SYBU: variants seen among roughly 807,000 people sequenced by gnomAD.
SYBU encodes syntabulin.
A neutral mutation model predicts 35.9 loss-of-function variants in SYBU; 21 were observed. The ratio of observed to expected loss-of-function variants is 0.58; its 90% CI spans 0.41 to 0.84. SYBU has a LOEUF of 0.84. SYBU is among the 40% of genes least tolerant of loss of function. The pLI is 0.00. For missense variants in SYBU, 768 were observed against 848.2 expected (o/e 0.91, Z 1.17); for synonymous variants, 319 against 324.3 (o/e 0.98, Z 0.18).
At chr8:109,606,752 A>C (rs1826106479) in intron 3 of SYBU, among the ~76,000 whole-genome samples, 1 of 152,210 alleles carries the variant, frequency 6.6e-6, no homozygotes, top group Non-Finnish European at 1.5e-5. Context: ...TGGTACATTC[A>C]CATTCTCAAA....
Position 109,613,728 on chromosome 8 carries a change from C to T in SYBU, c.427+5114G>A, listed in dbSNP as rs1424280393. Among the ~76,000 whole-genome samples, 4 of 152,314 alleles carry T rather than the reference C, an allele frequency of 2.6e-5. 1 individual carries two copies. Among genetic ancestry groups the T allele is most frequent in the Admixed American group, 2.6e-4 (4 of 15,298 alleles). ...AACTAACTTTGAAGTGAAAGTGATG[C>T]TCATGGTAAGAACAGAAACATCTGT... On this transcript the variant is annotated intron_variant, in intron 3 of 6. Coordinates refer to ENST00000276646, the MANE Select transcript of SYBU (RefSeq NM_001099754.2).
intron 1 of SYBU, among the ~76,000 whole-genome samples, chr8:109,661,339 A>T (rs1032953396): frequency 1.3e-5 from 2 of 152,168 alleles, no homozygotes; most frequent in African/African-American, 4.8e-5. Flanking sequence ...CTTTGTAAAT[A>T]AAAAAATTAT....
chr8:109,629,602 C>T (rs1813367404), intron 2 of SYBU, among the ~76,000 whole-genome samples: 1 of 152,164 alleles, frequency 6.6e-6, no homozygotes, highest in Admixed American at 6.5e-5. Flanking sequence ...CCGCAATAAA[C>T]ATACGTGTGC....
At chr8:109,650,948 G>A (rs894350428) in intron 1 of SYBU, among the ~76,000 whole-genome samples, 2 of 152,022 alleles carry the variant, frequency 1.3e-5, no homozygotes, top group Non-Finnish European at 2.9e-5. Flanking sequence ...TTACTTTCAG[G>A]CTTATCTACT....
intron 3 of SYBU, among the ~76,000 whole-genome samples, chr8:109,597,643 G>A (rs1276699082): frequency 6.6e-6 from 1 of 152,116 alleles, no homozygotes; most frequent in Non-Finnish European, 1.5e-5. Context: ...GAGCCCCGGA[G>A]GTTGAGGCTG....
intron 2 of SYBU, among the ~76,000 whole-genome samples, chr8:109,629,115 G>A (rs1813304608): frequency 6.6e-6 from 1 of 152,200 alleles, no homozygotes; most frequent in African/African-American, 2.4e-5. Context: ...AGAGAATGAT[G>A]ATGAGGGCAA....
At chr8:109,637,156 T>C (rs1297921424) in intron 2 of SYBU, among the ~76,000 whole-genome samples, 3 of 152,224 alleles carry the variant, frequency 2.0e-5, no homozygotes, top group African/African-American at 7.2e-5. Flanking sequence ...TCCTGAGCCC[T>C]TTCATTTCAA....
intron 1 of SYBU, among the ~76,000 whole-genome samples, chr8:109,675,443 T>C (rs1021592728): frequency 6.6e-6 from 1 of 151,964 alleles, no homozygotes; most frequent in East Asian, 1.9e-4. Context: ...CAATAAAAAA[T>C]GATAAAGGGG....
At chr8:109,686,381 C>T (rs1817519827) in intron 1 of SYBU, among the ~76,000 whole-genome samples, 2 of 152,178 alleles carry the variant, frequency 1.3e-5, no homozygotes. Context: ...TTTACGCTTT[C>T]AAACCCCTTC....
chr8:109,676,740 G>A (rs1224849708), intron 1 of SYBU, among the ~76,000 whole-genome samples: 2 of 152,140 alleles, frequency 1.3e-5, no homozygotes, highest in Non-Finnish European at 2.9e-5. Context: ...GAAATTTCTG[G>A]ATTGAGATTC....
At chr8:109,593,209 C>T (rs78541970) in intron 3 of SYBU, among the ~76,000 whole-genome samples, 246 of 152,220 alleles carry the variant, frequency 1.6e-3, no homozygotes, top group Non-Finnish European at 2.6e-3. Context: ...AGGAAGAGAG[C>T]TCCAAAGGTA....
rs1822190005 is a variant in SYBU at position 109,575,676 on chromosome 8, C to G, written c.1222G>C (p.Asp408His). Residue 408 changes from aspartate to histidine, a missense_variant, in exon 7 of 7, where the codon GAC (aspartate) becomes CAC (histidine). By Grantham distance (81) the Asp-to-His change is moderately conservative (BLOSUM62 -1). Transcript: ENST00000276646. The stretch of plus-strand genomic sequence containing the variant: ...AGAGATAACCCATCTGCCATTGTGT[C>G]AAGAGGGGGGTTGAGGGTTAAGCTC... ...EKSLTLNPPL[D>H]TMADGLSLEE... The G allele has an allele frequency of 1.9e-6, 3 of 1,614,052 alleles. No homozygotes were observed. The East Asian group carries it at 6.7e-5, about 36-fold the overall frequency.
At chr8:109,578,077 G>C in intron 5 of SYBU, 60 bp from the exon 6 acceptor site, 2 of 1,530,224 alleles carry the variant, frequency 1.3e-6, no homozygotes, top group East Asian at 4.5e-5. Flanking sequence ...ATAAAAAGAA[G>C]AGTAACACAG....
chr8:109,678,471 T>C (rs1052895459), intron 1 of SYBU, among the ~76,000 whole-genome samples: 5 of 139,948 alleles, frequency 3.6e-5, no homozygotes, highest in African/African-American at 8.0e-5. Context: ...GACAGAGTCT[T>C]GCTCTGTAGC....
At chr8:109,690,347 G>A (rs1450417590) in intron 1 of SYBU, among the ~76,000 whole-genome samples, 1 of 152,234 alleles carries the variant, frequency 6.6e-6, no homozygotes, top group African/African-American at 2.4e-5. Context: ...CTATGGGGAG[G>A]AAAAGGCAAA....
chr8:109,625,979 T>C (rs933096277), intron 2 of SYBU, among the ~76,000 whole-genome samples: 1 of 152,236 alleles, frequency 6.6e-6, no homozygotes, highest in Non-Finnish European at 1.5e-5. Context: ...TTGGTTTACA[T>C]TTCTTAAAGT....
chr8:109,619,017 G>A lies in SYBU; in HGVS notation c.252C>T (p.Ser84=). Residue 84 remains serine (S), a synonymous_variant, in exon 3 of 7, where the codon AGC becomes AGT. Coordinates refer to ENST00000276646, the MANE Select transcript of SYBU (RefSeq NM_001099754.2). The stretch of plus-strand genomic sequence containing the variant: ...GTGTCTTCACAGGAGACACTGACTG[G>A]CTGCTAGGACAGCCTGTGTCATCTA... ...FCSDDTGCPS[S]QSVSPVKTPS... 1 of 1,613,900 alleles carries A rather than the reference G, an allele frequency of 6.2e-7. No individual in the cohort carries two copies. The highest frequency in any genetic ancestry group is 1.3e-5 in the African/African-American group (1 of 75,030).
At chr8:109,640,380 T>C (rs764117829) in intron 2 of SYBU, among the ~76,000 whole-genome samples, 15 of 152,180 alleles carry the variant, frequency 9.9e-5, no homozygotes, top group Non-Finnish European at 1.6e-4. Flanking sequence ...TGAACAACTT[T>C]TTCTTTTTTT....
At chr8:109,673,300 C>T (rs910335210) in intron 1 of SYBU, among the ~76,000 whole-genome samples, 4 of 152,126 alleles carry the variant, frequency 2.6e-5, no homozygotes, top group Admixed American at 2.0e-4. Flanking sequence ...TGGCATTTGG[C>T]GGGTGCCCCT....
Sources: allele counts gnomAD v4.1 joint callset (sites outside exome capture counted in the v4.1 genomes callset), GRCh38; gene constraint gnomAD v4.1.1; transcripts MANE v1.5; gene names NCBI Gene and HGNC (gene_info 2026-07-23, HGNC 2026-07-21).